The following MED12L variants were observed in gnomAD, a reference collection of about 807,000 sequenced individuals.
The protein encoded by MED12L is mediator of RNA polymerase II transcription subunit 12-like protein.
Under a neutral mutation model 281.3 loss-of-function variants are expected in MED12L, and 60 were observed. The ratio of observed to expected loss-of-function variants is 0.21; its 90% CI spans 0.17 to 0.26. MED12L has a LOEUF of 0.26. MED12L is among the 10% of genes least tolerant of loss of function. MED12L has a pLI of 1.00. For missense variants in MED12L, 2,146 were observed against 2,680.9 expected, an observed-to-expected ratio of 0.80 and a Z score of 4.41; for synonymous variants, 974 against 987.2, an observed-to-expected ratio of 0.99 and a Z score of 0.25.
chr3:151,179,921 G>A (rs1023419595), intron 11 of MED12L, among the ~76,000 whole-genome samples: 4 of 152,150 alleles, frequency 2.6e-5, no homozygotes, highest in East Asian at 1.9e-4. Context: ...TAAAGTAGGC[G>A]CAGAAGCTGT....
intron 3 of MED12L, among the ~76,000 whole-genome samples, chr3:151,117,661 C>T (rs1231660038): frequency 6.6e-6 from 1 of 152,078 alleles, no homozygotes; most frequent in African/African-American, 2.4e-5. Context: ...AACAACAAAA[C>T]CACTGAATAA....
chr3:151,214,705 T>A (rs1406969223), intron 16 of MED12L, among the ~76,000 whole-genome samples: 4 of 151,990 alleles, frequency 2.6e-5, no homozygotes, highest in Non-Finnish European at 5.9e-5. Flanking sequence ...AGCAGGGCAG[T>A]CTCTGAGAAC....
chr3:151,284,448 A>G (rs889584790), intron 16 of MED12L, among the ~76,000 whole-genome samples: 1 of 152,138 alleles, frequency 6.6e-6, no homozygotes. Flanking sequence ...TGGCCTGACT[A>G]GAATAGTGGT....
At chr3:151,154,242 G>GT (rs1370484912) in intron 5 of MED12L, among the ~76,000 whole-genome samples, 1 of 152,166 alleles carries the variant, frequency 6.6e-6, no homozygotes, top group African/African-American at 2.4e-5. Flanking sequence ...CTTTAAGTCA[G>GT]TTAAATACAC....
At chr3:151,401,088 A>T (rs1043258817) in intron 39 of MED12L, among the ~76,000 whole-genome samples, 81 of 152,262 alleles carry the variant, frequency 5.3e-4, no homozygotes, top group African/African-American at 1.9e-3. Context: ...TACTTTGTAG[A>T]TTTGAAATGT....
chr3:151,335,708 TA>T (rs935555338), intron 16 of MED12L, among the ~76,000 whole-genome samples: 7 of 152,216 alleles, frequency 4.6e-5, no homozygotes, highest in African/African-American at 1.7e-4. Context: ...GATCCCTCCA[TA>T]AATACTAACT....
In MED12L at chr3:151,434,989, TTA is replaced by T. The variant is rs1217415071; in HGVS notation, c.*2188_*2189del. On this transcript the variant is annotated 3_prime_UTR_variant, in exon 45 of 45. Coordinates refer to ENST00000687756, the MANE Select transcript of MED12L (RefSeq NM_001393769.1). ...AGGAATGCTGTTTTACCCCTGCGCA[TTA>T]TAAAGAAAATAACTAGAATTACTTT... The T allele has an allele frequency of 6.7e-6, 1 of 148,418 alleles. No homozygotes were observed. The highest frequency in any genetic ancestry group is 2.5e-5 in the African/African-American group (1 of 40,026). The allele number at this position is 148,418 out of a possible 1,614,324, so 9.2% of individuals were successfully genotyped here. A position where few individuals can be genotyped will look rare whatever the true frequency, so the allele number is the denominator to read the frequency against.
intron 16 of MED12L, chr3:151,198,872 A>G: frequency 6.2e-7 from 1 of 1,614,104 alleles, no homozygotes. Context: ...ATTTCTTCCA[A>G]ATTCCTTTTT....
intron 42 of MED12L, 53 bp from the exon 43 acceptor site, chr3:151,416,259 A>T: frequency 6.2e-7 from 1 of 1,612,208 alleles, no homozygotes. Context: ...CAGATTCAGC[A>T]ATGCTGTTTT....
intron 27 of MED12L, among the ~76,000 whole-genome samples, chr3:151,375,616 T>C (rs1756742807): frequency 1.3e-5 from 2 of 152,192 alleles, no homozygotes; most frequent in Non-Finnish European, 2.9e-5. Context: ...ATATTTGTTA[T>C]ACTATGTTGT....
intron 16 of MED12L, among the ~76,000 whole-genome samples, chr3:151,210,497 A>T (rs943242359): frequency 6.6e-6 from 1 of 152,170 alleles, no homozygotes; most frequent in Non-Finnish European, 1.5e-5. Context: ...TCTTTCTATG[A>T]TCTGTTTCTT....
At chr3:151,221,519 C>T (rs1729348816) in intron 16 of MED12L, among the ~76,000 whole-genome samples, 1 of 152,170 alleles carries the variant, frequency 6.6e-6, no homozygotes, top group South Asian at 2.1e-4. Flanking sequence ...TGTGTGCAGC[C>T]TGGGGAATTG....
At chr3:151,145,840 T>C (rs1576824178) in intron 5 of MED12L, among the ~76,000 whole-genome samples, 1 of 152,212 alleles carries the variant, frequency 6.6e-6, no homozygotes, top group Non-Finnish European at 1.5e-5. Flanking sequence ...CCTTTCTCTT[T>C]CCTTCATCTC....
chr3:151,419,001 T>C (rs571586542), intron 43 of MED12L, among the ~76,000 whole-genome samples: 84 of 152,216 alleles, frequency 5.5e-4, no homozygotes, highest in Non-Finnish European at 1.1e-3. Flanking sequence ...CTAATTTCTT[T>C]GTGTTATTTC....
chr3:151,318,732 T>TA (rs1046227526), intron 16 of MED12L, among the ~76,000 whole-genome samples: 9 of 151,884 alleles, frequency 5.9e-5, no homozygotes, highest in Admixed American at 1.3e-4. Context: ...AAAGACCTTT[T>TA]AAAAAAAAGA....
At chr3:151,414,710 TAA>T (rs10712287) in intron 42 of MED12L, among the ~76,000 whole-genome samples, 166 of 149,386 alleles carry the variant, frequency 1.1e-3, no homozygotes, top group Middle Eastern at 3.5e-3. Flanking sequence ...TTAAAAATGT[TAA>T]AAAAAAAAAA....
chr3:151,227,797 G>T (rs2149305363), intron 16 of MED12L, among the ~76,000 whole-genome samples: 1 of 152,298 alleles, frequency 6.6e-6, no homozygotes, highest in Admixed American at 6.5e-5. Context: ...GAATAGTCCA[G>T]GGTTTCTCAG....
intron 5 of MED12L, among the ~76,000 whole-genome samples, chr3:151,140,992 C>T (rs9848163): frequency 0.3 from 45,448 of 151,518 alleles, 8,689 homozygotes; most frequent in African/African-American, 0.54. Context: ...CTCAGCCTCC[C>T]GAGTAGCTGG....
intron 27 of MED12L, among the ~76,000 whole-genome samples, chr3:151,374,808 TG>T (rs1320691974): frequency 2.2e-4 from 34 of 151,940 alleles, no homozygotes; most frequent in African/African-American, 8.2e-4. Context: ...CTTTCAAAAG[TG>T]AAACTATACA....
Sources: gnomAD v4.1 joint callset for allele counts (sites outside exome capture counted in the v4.1 genomes callset) on GRCh38, gnomAD v4.1.1 for gene constraint, MANE v1.5 for transcripts, NCBI Gene and HGNC (gene_info 2026-07-23, HGNC 2026-07-21) for gene names.